Variants in KCNMA1 observed in about 807,000 individuals in gnomAD.
KCNMA1 encodes potassium calcium-activated channel subfamily M alpha 1.
A neutral mutation model predicts 140.0 loss-of-function variants in KCNMA1; 29 were observed. The observed-to-expected ratio is 0.21, with a 90% CI of 0.15 to 0.28. The LOEUF (loss-of-function observed/expected upper bound fraction) is 0.28. Among genes scored for constraint, KCNMA1 ranks in the 10% least tolerant of loss-of-function variants. KCNMA1 has a pLI of 1.00. For synonymous variants in KCNMA1, 612 were observed against 611.9 expected, an observed-to-expected ratio of 1.00 and a Z score of 0.00; for missense variants, 880 against 1,602.2, an observed-to-expected ratio of 0.55 and a Z score of 7.70.
At chr10:76,953,717 C>A in intron 21 of KCNMA1, 84 bp downstream of exon 21, 1 of 1,550,742 alleles carries the variant, frequency 6.4e-7, no homozygotes. Flanking sequence ...TATTATCCCA[C>A]TGTCCAACTA....
chr10:77,299,028 T>C (rs1687106731), intron 2 of KCNMA1, among the ~76,000 whole-genome samples: 1 of 152,228 alleles, frequency 6.6e-6, no homozygotes. Context: ...TCCACACATA[T>C]ATGTTCACCA....
rs1280847526 is a variant in KCNMA1, at chr10:77,499,401, A to ATG, written c.379-95380_379-95379dup. Among the ~76,000 whole-genome samples, 8 of 113,442 alleles carry ATG rather than the reference A, an allele frequency of 7.1e-5. No individual in the cohort carries two copies. The Admixed American group carries it at 7.5e-4, about 11-fold the overall frequency. 74.4% of individuals were successfully genotyped at this position (113,442 alleles called of 152,430 possible). A position where few individuals can be genotyped will look rare whatever the true frequency, so the allele number is the denominator to read the frequency against. Reference sequence around the variant, plus strand: ...CTGAAAGTCAAAATGCTCAGTAGGCATGTATATATATATATATATATACAC... The same window carrying ATG: ...CTGAAAGTCAAAATGCTCAGTAGGCATGTGTATATATATATATATATATACAC... On this transcript the variant is annotated intron_variant, in intron 1 of 27. Coordinates refer to ENST00000286628, the MANE Select transcript of KCNMA1 (RefSeq NM_001161352.2).
chr10:76,980,271 TGTGA>T (rs966950138), intron 19 of KCNMA1: 2 of 152,232 alleles, frequency 1.3e-5, no homozygotes, highest in African/African-American at 4.8e-5. Context: ...GAATTCTGCC[TGTGA>T]GTGAGAACAG....
At chr10:77,286,777 G>C (rs556633849) in intron 2 of KCNMA1, among the ~76,000 whole-genome samples, 4 of 78,198 alleles carry the variant, frequency 5.1e-5, no homozygotes, top group Non-Finnish European at 8.4e-5. Flanking sequence ...GGGGGGGGGG[G>C]GGGGGTTCCA....
At chr10:77,230,392 C>T (rs1448099741) in intron 3 of KCNMA1, among the ~76,000 whole-genome samples, 2 of 152,110 alleles carry the variant, frequency 1.3e-5, no homozygotes, top group Admixed American at 6.6e-5. Flanking sequence ...TGTGAAGGTA[C>T]GAATCACCAC....
At chr10:77,477,863 G>T (rs972707029) in intron 1 of KCNMA1, among the ~76,000 whole-genome samples, 6 of 152,152 alleles carry the variant, frequency 3.9e-5, no homozygotes, top group African/African-American at 1.4e-4. Context: ...AAATTAGCTG[G>T]TCCTTCAGAC....
At chr10:77,026,654 T>C (rs2093482232) in intron 16 of KCNMA1, among the ~76,000 whole-genome samples, 1 of 152,232 alleles carries the variant, frequency 6.6e-6, no homozygotes, top group African/African-American at 2.4e-5. Context: ...CATTTTTTTC[T>C]TCCTTTTGGT....
At chr10:77,398,154 T>C (rs190546592) in intron 2 of KCNMA1, among the ~76,000 whole-genome samples, 122 of 152,146 alleles carry the variant, frequency 8.0e-4, no homozygotes, top group Admixed American at 1.6e-3. Context: ...TTGTGAGTAG[T>C]GTTGTGATAA....
chr10:77,387,807 AG>A (rs1440314773), intron 2 of KCNMA1, among the ~76,000 whole-genome samples: 1 of 151,966 alleles, frequency 6.6e-6, no homozygotes, highest in African/African-American at 2.4e-5. Context: ...TAGTTGAGAC[AG>A]GGTTTTAGCA....
At chr10:77,123,006 G>A (rs1356328850) in intron 5 of KCNMA1, among the ~76,000 whole-genome samples, 1 of 130,310 alleles carries the variant, frequency 7.7e-6, no homozygotes, top group Non-Finnish European at 1.7e-5. Flanking sequence ...GTGAAACCCC[G>A]TCTCTACTAA....
chr10:77,310,412 C>G (rs1247091623), intron 2 of KCNMA1, among the ~76,000 whole-genome samples: 1 of 152,200 alleles, frequency 6.6e-6, no homozygotes, highest in East Asian at 1.9e-4. Context: ...CACCACACAT[C>G]TAACAAGCAT....
At chr10:76,963,364 G>C (rs1227579496) in intron 20 of KCNMA1, among the ~76,000 whole-genome samples, 1 of 152,140 alleles carries the variant, frequency 6.6e-6, no homozygotes, top group Non-Finnish European at 1.5e-5. Flanking sequence ...GGACCAGCAA[G>C]CTATATCTTA....
intron 19 of KCNMA1, among the ~76,000 whole-genome samples, chr10:76,986,876 T>C (rs1344593565): frequency 1.3e-5 from 2 of 152,172 alleles, no homozygotes; most frequent in Non-Finnish European, 2.9e-5. Context: ...CACCATGTGC[T>C]GTCAGCAGAA....
intron 1 of KCNMA1, among the ~76,000 whole-genome samples, chr10:77,631,398 G>A (rs187708134): frequency 6.6e-6 from 1 of 152,330 alleles, no homozygotes; most frequent in East Asian, 1.9e-4. Context: ...AAGGGACCCA[G>A]TGTTCCCCAC....
At chr10:77,467,360 G>A (rs990857645) in intron 1 of KCNMA1, among the ~76,000 whole-genome samples, 2 of 152,174 alleles carry the variant, frequency 1.3e-5, no homozygotes, top group African/African-American at 2.4e-5. Flanking sequence ...GTCCGTCTCC[G>A]AAGCAGTTGT....
At chr10:77,279,686 G>A (rs1248726810) in intron 2 of KCNMA1, among the ~76,000 whole-genome samples, 1 of 152,090 alleles carries the variant, frequency 6.6e-6, no homozygotes, top group Non-Finnish European at 1.5e-5. Flanking sequence ...ATCTTGAATT[G>A]CAGCTCCCAC....
intron 25 of KCNMA1, among the ~76,000 whole-genome samples, chr10:76,900,260 A>AG: frequency 6.6e-6 from 1 of 151,608 alleles, no homozygotes; most frequent in East Asian, 1.9e-4. Flanking sequence ...TTATCAGAAA[A>AG]TGATATCCTG....
At chr10:77,630,915 G>C (rs1473871030) in intron 1 of KCNMA1, among the ~76,000 whole-genome samples, 1 of 151,726 alleles carries the variant, frequency 6.6e-6, no homozygotes, top group East Asian at 1.9e-4. Context: ...AGACAAGCCT[G>C]GGCAACATAG....
chr10:77,597,882 A>G (rs892144580), intron 1 of KCNMA1, among the ~76,000 whole-genome samples: 1 of 152,182 alleles, frequency 6.6e-6, no homozygotes, highest in Non-Finnish European at 1.5e-5. Context: ...TAAAATTACA[A>G]AACAGGGAGG....
Sources: gnomAD v4.1 joint callset for allele counts (sites outside exome capture counted in the v4.1 genomes callset) on GRCh38, gnomAD v4.1.1 for gene constraint, MANE v1.5 for transcripts, NCBI Gene and HGNC (gene_info 2026-07-23, HGNC 2026-07-21) for gene names.